GRID2: variants seen among roughly 807,000 people sequenced by gnomAD.
GRID2 encodes glutamate ionotropic receptor delta type subunit 2, also known as glutamate receptor ionotropic, delta-2.
Under a neutral mutation model 114.8 loss-of-function variants are expected in GRID2, and 33 were observed. The observed-to-expected ratio is 0.29, with a 90% confidence interval of 0.22 to 0.38. The LOEUF is 0.38. Ranked by LOEUF, GRID2 falls within the 10% of genes least tolerant of loss-of-function variation. The pLI is 1.00. For synonymous variants in GRID2, 505 were observed against 449.9 expected, an observed-to-expected ratio of 1.12 and a Z score of -1.55; for missense variants, 1,184 against 1,257.7, an observed-to-expected ratio of 0.94 and a Z score of 0.89.
intron 2 of GRID2, among the ~76,000 whole-genome samples, chr4:92,642,670 A>G (rs1196261377): frequency 6.6e-6 from 1 of 151,378 alleles, no homozygotes; most frequent in Non-Finnish European, 1.5e-5. Context: ...ACTAGCTCCC[A>G]TTTGTCAATT....
intron 2 of GRID2, among the ~76,000 whole-genome samples, chr4:93,000,035 A>G (rs1371708333): frequency 6.6e-6 from 1 of 151,690 alleles, no homozygotes; most frequent in African/African-American, 2.4e-5. Context: ...TTTCAGTTAA[A>G]TGTAACAATC....
chr4:93,490,912 A>G lies in GRID2; in HGVS notation c.1997+135A>G, dbSNP rs187523942. ...TTGAGTAAAGGATCAATTTTGTGTT[A>G]CTGCAAAGTATCACTGATTAGTCCA... On this transcript the variant is annotated intron_variant, in intron 12 of 15. Coordinates refer to ENST00000282020, the MANE Select transcript of GRID2 (RefSeq NM_001510.4). 2.6e-4 allele frequency: 156 copies of G among 591,294 alleles called. No homozygotes were observed. The East Asian group carries it at 4.2e-3, about 16-fold the overall frequency. 36.6% of individuals were successfully genotyped at this position (591,294 alleles called of 1,614,324 possible).
rs1216887316 is a variant in GRID2 at position 92,954,690 on chromosome 4, G to T, written c.245-130305G>T. Among the ~76,000 whole-genome samples the T allele has an allele frequency of 2.1e-5, 3 of 144,604 alleles. No homozygotes were observed. In the East Asian group the frequency reaches 6.3e-4, roughly 30 times the overall value. 94.9% of individuals were successfully genotyped at this position (144,604 alleles called of 152,430 possible). A position where few individuals can be genotyped will look rare whatever the true frequency, so the allele number is the denominator to read the frequency against. On this transcript the variant is annotated intron_variant, in intron 2 of 15. Coordinates refer to ENST00000282020, the MANE Select transcript of GRID2 (RefSeq NM_001510.4). ...GCAGGTTAGTTACATATGTATACAT[G>T]TGCCATGCTGGTGCGCTGCACCCAC...
chr4:92,730,320 C>A (rs1414634535), intron 2 of GRID2, among the ~76,000 whole-genome samples: 2 of 151,780 alleles, frequency 1.3e-5, no homozygotes, highest in African/African-American at 4.8e-5. Context: ...TTAAAGGAAG[C>A]TTCGTTTTTT....
At chr4:93,730,201 T>C (rs1485848801) in intron 14 of GRID2, among the ~76,000 whole-genome samples, 1 of 152,178 alleles carries the variant, frequency 6.6e-6, no homozygotes, top group Non-Finnish European at 1.5e-5. Flanking sequence ...GTGAAATTCA[T>C]AGGAGAGAAT....
At chr4:93,065,992 T>A in intron 2 of GRID2, among the ~76,000 whole-genome samples, 1 of 151,840 alleles carries the variant, frequency 6.6e-6, no homozygotes, top group Non-Finnish European at 1.5e-5. Context: ...TACTTAGTGG[T>A]GTGTGGTGTA....
At chr4:92,840,251 G>A (rs1742785245) in intron 2 of GRID2, among the ~76,000 whole-genome samples, 1 of 151,744 alleles carries the variant, frequency 6.6e-6, no homozygotes, top group South Asian at 2.1e-4. Context: ...GATGCAGATC[G>A]ATCTTGTTTT....
At chr4:92,653,327 CTGTGTGTGTG>C (rs112109018) in intron 2 of GRID2, among the ~76,000 whole-genome samples, 176 of 146,296 alleles carry the variant, frequency 1.2e-3, no homozygotes, top group African/African-American at 4.2e-3. Flanking sequence ...ACACATGTGT[CTGTGTGTGTG>C]TGTGTGTGTG....
In GRID2 at chr4:92,375,187, A is replaced by G. The variant is rs993324567; in HGVS notation, c.88+70443A>G. 1.9e-4 allele frequency among the ~76,000 whole-genome samples: 29 copies of G among 152,298 alleles called. No individual in the cohort carries two copies. The East Asian group carries it at 4.8e-3, about 25-fold the overall frequency. The stretch of plus-strand genomic sequence containing the variant: ...GTTGTTTAAGTATAACTTAAAATTG[A>G]TATAATTTATAAACTTAAATTTATA... On this transcript the variant is annotated intron_variant, in intron 1 of 15. Transcript: ENST00000282020.
intron 4 of GRID2, among the ~76,000 whole-genome samples, chr4:93,190,264 T>C (rs2149446367): frequency 6.6e-6 from 1 of 152,276 alleles, no homozygotes; most frequent in African/African-American, 2.4e-5. Context: ...TTCTAGAACT[T>C]AATATAGATT....
At chr4:93,170,347 G>A (rs1250991221) in intron 4 of GRID2, among the ~76,000 whole-genome samples, 1 of 152,142 alleles carries the variant, frequency 6.6e-6, no homozygotes, top group African/African-American at 2.4e-5. Context: ...GACTCCCAAA[G>A]TGCTGGGATT....
intron 13 of GRID2, among the ~76,000 whole-genome samples, chr4:93,591,090 A>G (rs1467970310): frequency 3.4e-5 from 5 of 145,444 alleles, no homozygotes; most frequent in African/African-American, 1.3e-4. Flanking sequence ...TTCCAACACT[A>G]TGTTGAATAG....
intron 2 of GRID2, among the ~76,000 whole-genome samples, chr4:92,734,261 A>AT (rs1171751811): frequency 6.6e-6 from 1 of 151,598 alleles, no homozygotes; most frequent in Non-Finnish European, 1.5e-5. Flanking sequence ...GCATCACTCT[A>AT]TTTTTTTCTT....
intron 1 of GRID2, among the ~76,000 whole-genome samples, chr4:92,429,400 A>G (rs1195562811): frequency 1.3e-5 from 2 of 152,144 alleles, no homozygotes; most frequent in Non-Finnish European, 2.9e-5. Flanking sequence ...CTTTCATTCC[A>G]TCCATGTCAT....
chr4:93,403,786 A>T (rs1304755703), intron 9 of GRID2, among the ~76,000 whole-genome samples: 2 of 152,180 alleles, frequency 1.3e-5, no homozygotes, highest in East Asian at 3.9e-4. Context: ...TAGGAATGTA[A>T]AATGGTACGA....
intron 2 of GRID2, among the ~76,000 whole-genome samples, chr4:92,866,938 T>G (rs970875758): frequency 1.3e-5 from 2 of 152,164 alleles, no homozygotes; most frequent in African/African-American, 4.8e-5. Flanking sequence ...CATTCTGTTT[T>G]TTGAAACAAA....
At chr4:92,688,037 C>CCTTTTTTTTTTTTTTGTTTTTTTTTTTTT (rs1553916864) in intron 2 of GRID2, among the ~76,000 whole-genome samples, 1 of 44,656 alleles carries the variant, frequency 2.2e-5, no homozygotes, top group Non-Finnish European at 4.1e-5. Context: ...CCTTCTTCTT[C>CCTTTTTTTTTTTTTTGTTTTTTTTTTTTT]TTTTTTTTTT....
intron 2 of GRID2, among the ~76,000 whole-genome samples, chr4:92,612,122 T>C (rs1372116380): frequency 1.3e-5 from 2 of 151,536 alleles, no homozygotes; most frequent in Non-Finnish European, 3.0e-5. Flanking sequence ...TATATGTAAG[T>C]CTATCCGTTA....
intron 14 of GRID2, among the ~76,000 whole-genome samples, chr4:93,759,643 G>A (rs1428480395): frequency 6.6e-6 from 1 of 152,122 alleles, no homozygotes; most frequent in Non-Finnish European, 1.5e-5. Flanking sequence ...TCCTTATTTT[G>A]AACACACTTC....
Sources: allele counts gnomAD v4.1 joint callset (sites outside exome capture counted in the v4.1 genomes callset), GRCh38; gene constraint gnomAD v4.1.1; transcripts MANE v1.5; gene names NCBI Gene and HGNC (gene_info 2026-07-23, HGNC 2026-07-21).